The following DPH6 variants were observed in gnomAD, a reference collection of about 807,000 sequenced individuals.
DPH6 encodes the protein diphthine--ammonia ligase.
In DPH6, 33 loss-of-function variants were observed where a neutral mutation model predicts 38.2. The observed-to-expected ratio is 0.86, with a 90% CI of 0.65 to 1.15. The LOEUF (loss-of-function observed/expected upper bound fraction) is 1.15, where lower values mean the gene tolerates loss of function less well. Ranked by LOEUF, DPH6 falls within the 50% of genes most tolerant of loss-of-function variation. The pLI is 0.00. For missense variants in DPH6, 325 were observed against 320.0 expected (o/e 1.02, Z -0.12); for synonymous variants, 108 against 103.0 (o/e 1.05, Z -0.30).
At chr15:35,224,100 G>GTTTTTTTTTTTT (rs142813866) in intron 3 of DPH6, among the ~76,000 whole-genome samples, 3 of 88,908 alleles carry the variant, frequency 3.4e-5, no homozygotes, top group Non-Finnish European at 6.5e-5. Context: ...CATGATTTTA[G>GTTTTTTTTTTTT]TTTTTTTTTT....
the DPH6 span, among the ~76,000 whole-genome samples, chr15:35,194,241 G>T: frequency 6.6e-6 from 1 of 152,100 alleles, no homozygotes; most frequent in Non-Finnish European, 1.5e-5. Context: ...AAAGGAAAGA[G>T]CCTGGGGTTT....
At chr15:35,521,519 A>G (rs887079122) in intron 3 of DPH6, 4 of 1,220,280 alleles carry the variant, frequency 3.3e-6, no homozygotes, top group Non-Finnish European at 4.1e-6. Flanking sequence ...AGGACTATGA[A>G]GAGTTGTGTT....
chr15:35,435,317 C>G (rs538403174), intron 5 of DPH6, among the ~76,000 whole-genome samples: 3 of 151,952 alleles, frequency 2.0e-5, no homozygotes, highest in Non-Finnish European at 4.4e-5. Context: ...ATAGCCTACA[C>G]GTGACAATTA....
At chr15:35,187,261 T>C in the DPH6 span, among the ~76,000 whole-genome samples, 82 of 152,348 alleles carry the variant, frequency 5.4e-4, no homozygotes, top group African/African-American at 1.9e-3. Context: ...TTTATAATCA[T>C]ATACCTAATA....
chr15:35,483,266 C>G (rs1458728106), intron 3 of DPH6, among the ~76,000 whole-genome samples: 1 of 151,830 alleles, frequency 6.6e-6, no homozygotes, highest in Admixed American at 6.6e-5. Flanking sequence ...GAGTTCAAGA[C>G]CAGCCTAACC....
chr15:35,468,590 T>C (rs542748142), intron 3 of DPH6, among the ~76,000 whole-genome samples: 6 of 152,190 alleles, frequency 3.9e-5, no homozygotes, highest in Admixed American at 2.0e-4. Flanking sequence ...ACTAAGGAGC[T>C]AAACATGAAC....
the DPH6 span, among the ~76,000 whole-genome samples, chr15:35,178,775 T>G: frequency 8.5e-5 from 13 of 152,250 alleles, no homozygotes; most frequent in East Asian, 2.5e-3. Flanking sequence ...AATATACCTT[T>G]TAGAGGTATC....
intron 3 of DPH6, among the ~76,000 whole-genome samples, chr15:35,496,567 A>AAAAAAAAAAAAAAAATAT: frequency 2.3e-4 from 7 of 31,010 alleles, no homozygotes; most frequent in African/African-American, 8.2e-4. Context: ...AAAAAAAAAA[A>AAAAAAAAAAAAAAAATAT]ATATATATAT....
intron 3 of DPH6, among the ~76,000 whole-genome samples, chr15:35,484,321 T>G (rs1044326167): frequency 6.6e-6 from 1 of 152,260 alleles, no homozygotes; most frequent in South Asian, 2.1e-4. Flanking sequence ...AAATACTTAT[T>G]AATTCACAGA....
the DPH6 span, among the ~76,000 whole-genome samples, chr15:35,164,271 T>C: frequency 6.6e-6 from 1 of 151,880 alleles, no homozygotes; most frequent in Non-Finnish European, 1.5e-5. Flanking sequence ...CAGGGCCAAA[T>C]TTAGCTACTT....
chr15:35,434,013 T>C (rs953215775), intron 5 of DPH6, among the ~76,000 whole-genome samples: 2 of 152,200 alleles, frequency 1.3e-5, no homozygotes, highest in African/African-American at 4.8e-5. Context: ...CTCTACAATA[T>C]ATAAATCAAC....
chr15:35,505,916 T>C (rs1487656718), intron 3 of DPH6, among the ~76,000 whole-genome samples: 11 of 152,132 alleles, frequency 7.2e-5, no homozygotes, highest in African/African-American at 2.7e-4. Flanking sequence ...AGAGATTTAA[T>C]GACCATTTTT....
At chr15:35,424,286 G>A (rs1419264961) in intron 5 of DPH6, among the ~76,000 whole-genome samples, 1 of 151,536 alleles carries the variant, frequency 6.6e-6, no homozygotes, top group Non-Finnish European at 1.5e-5. Flanking sequence ...TCTTGGTTAA[G>A]ATTATTCCTA....
chr15:35,215,363 C>A (rs143877970), downstream of DPH6, among the ~76,000 whole-genome samples: 1 of 152,254 alleles, frequency 6.6e-6, no homozygotes, highest in East Asian at 1.9e-4. Flanking sequence ...TAAGGAAGTA[C>A]ATATAACCTA....
chr15:35,502,857 T>C (rs982401110), intron 3 of DPH6, among the ~76,000 whole-genome samples: 1 of 149,700 alleles, frequency 6.7e-6, no homozygotes, highest in East Asian at 1.9e-4. Flanking sequence ...GGGAGGACTA[T>C]TGGATTCTAT....
the DPH6 span, among the ~76,000 whole-genome samples, chr15:35,209,635 T>C: frequency 6.6e-6 from 1 of 152,186 alleles, no homozygotes; most frequent in Non-Finnish European, 1.5e-5. Context: ...TTTTAAATAG[T>C]ATATTTCAAC....
chr15:35,397,164 A>G (rs1195857212), intron 6 of DPH6, among the ~76,000 whole-genome samples: 2 of 152,212 alleles, frequency 1.3e-5, no homozygotes, highest in East Asian at 3.9e-4. Flanking sequence ...TCTAAGTTGC[A>G]TTTATCCAGG....
At chr15:35,311,080 C>CAACA (rs1555392422) in intron 3 of DPH6, among the ~76,000 whole-genome samples, 1 of 134,262 alleles carries the variant, frequency 7.4e-6, no homozygotes, top group Admixed American at 7.5e-5. Context: ...ACAACAACAA[C>CAACA]AAAAAAAAAA....
chr15:35,534,980 A>C lies in DPH6; in HGVS notation c.312+3294T>G, dbSNP rs1241062653. On this transcript the variant is annotated intron_variant, in intron 3 of 8. Transcript: ENST00000256538. Reference sequence around the variant, plus strand: ...TCTATTAGGACAAACATAGGTTAACAAAACCATCTCTGATCCAATCACTAT... The same window carrying C: ...TCTATTAGGACAAACATAGGTTAACCAAACCATCTCTGATCCAATCACTAT... Among the ~76,000 whole-genome samples, 4 of 152,106 alleles carry C rather than the reference A, an allele frequency of 2.6e-5. No individual in the cohort carries two copies. In the South Asian group the frequency reaches 8.3e-4, roughly 31 times the overall value.
Sources: gnomAD v4.1 joint callset for allele counts (sites outside exome capture counted in the v4.1 genomes callset) on GRCh38, gnomAD v4.1.1 for gene constraint, MANE v1.5 for transcripts, NCBI Gene and HGNC (gene_info 2026-07-23, HGNC 2026-07-21) for gene names.